Variants in RBFOX1 observed in about 807,000 individuals in gnomAD.
The protein encoded by RBFOX1 is RNA binding fox-1 homolog 1.
A neutral mutation model predicts 57.7 loss-of-function variants in RBFOX1; 8 were observed. That is an observed-to-expected ratio of 0.14 (90% CI 0.08 to 0.25). The LOEUF is 0.25. Ranked by LOEUF, RBFOX1 falls within the 10% of genes least tolerant of loss-of-function variation. The pLI, the probability that RBFOX1 is intolerant of heterozygous loss-of-function variation, is 1.00. For synonymous variants in RBFOX1, 326 were observed against 222.4 expected (o/e 1.47, Z -4.15); for missense variants, 611 against 548.5 (o/e 1.11, Z -1.14).
At chr16:5,372,127 G>A (rs2065873201) in intron 1 of RBFOX1, among the ~76,000 whole-genome samples, 1 of 152,192 alleles carries the variant, frequency 6.6e-6, no homozygotes, top group African/African-American at 2.4e-5. Flanking sequence ...ATGAAGGATT[G>A]TGAAGGCATT....
At chr16:5,906,338 T>C (rs2058455549) in intron 4 of RBFOX1, among the ~76,000 whole-genome samples, 1 of 152,174 alleles carries the variant, frequency 6.6e-6, no homozygotes, top group Non-Finnish European at 1.5e-5. Flanking sequence ...GTGGGGATAA[T>C]GCAGTAATGT....
At position 5,349,841 on chromosome 16, in the gene RBFOX1, C is replaced by G. The variant is rs9934334; in HGVS notation, c.219+109736C>G. ...CCCACGCCCTGCTCTGAGCTGAGGC[C>G]CCAGGAAGCAGCCCTGCTGAGCAGT... On this transcript the variant is annotated intron_variant, in intron 1 of 2. Transcript: ENST00000585867. 4.2e-3 allele frequency among the ~76,000 whole-genome samples: 638 copies of G among 152,288 alleles called. 5 individuals are homozygous for G. Among genetic ancestry groups the G allele is most frequent in the African/African-American group, 0.014 (598 of 41,552 alleles).
At chr16:6,852,272 G>C (rs1230120648) in intron 3 of RBFOX1, among the ~76,000 whole-genome samples, 1 of 152,042 alleles carries the variant, frequency 6.6e-6, no homozygotes, top group East Asian at 1.9e-4. Flanking sequence ...TGTTCTTGCT[G>C]TCTTCCGTTC....
chr16:7,504,747 A>ATT (rs2072430455), intron 4 of RBFOX1, among the ~76,000 whole-genome samples: 7 of 12,396 alleles, frequency 5.6e-4, no homozygotes, highest in East Asian at 1.5e-3. Flanking sequence ...ATATATATAT[A>ATT]TATATATTTA....
intron 4 of RBFOX1, among the ~76,000 whole-genome samples, chr16:7,093,874 A>G (rs925741320): frequency 6.6e-6 from 1 of 152,062 alleles, no homozygotes; most frequent in Non-Finnish European, 1.5e-5. Context: ...CACTGTAATA[A>G]TGACACAAAA....
At chr16:5,612,872 C>G (rs578160751) in intron 3 of RBFOX1, among the ~76,000 whole-genome samples, 1 of 152,338 alleles carries the variant, frequency 6.6e-6, no homozygotes, top group Non-Finnish European at 1.5e-5. Flanking sequence ...ATTTGGGGTT[C>G]TTTTTCCTAA....
chr16:6,925,265 C>T (rs1456741192), intron 3 of RBFOX1, among the ~76,000 whole-genome samples: 5 of 150,870 alleles, frequency 3.3e-5, no homozygotes, highest in Non-Finnish European at 5.9e-5. Context: ...TCCCAAGTAG[C>T]TGGGATTACA....
intron 3 of RBFOX1, among the ~76,000 whole-genome samples, chr16:5,687,390 C>T (rs542396202): frequency 9.2e-5 from 14 of 152,198 alleles, no homozygotes; most frequent in South Asian, 4.2e-4. Context: ...ACTTTGGGCC[C>T]GTCCTTAAAC....
At chr16:6,132,154 C>T (rs76806791) in intron 1 of RBFOX1, among the ~76,000 whole-genome samples, 6 of 152,214 alleles carry the variant, frequency 3.9e-5, no homozygotes, top group Non-Finnish European at 7.3e-5. Flanking sequence ...TGCCCTGGAA[C>T]CTTTTTCCCC....
chr16:5,433,102 C>G (rs1203916145), intron 1 of RBFOX1, among the ~76,000 whole-genome samples: 1 of 152,178 alleles, frequency 6.6e-6, no homozygotes, highest in East Asian at 1.9e-4. Context: ...GACAACAACC[C>G]TGAGCTTCCA....
intron 2 of RBFOX1, among the ~76,000 whole-genome samples, chr16:6,597,913 T>C (rs2097793471): frequency 6.6e-6 from 1 of 152,164 alleles, no homozygotes; most frequent in African/African-American, 2.4e-5. Context: ...CAAACATTTG[T>C]TGGGCTAAAG....
chr16:5,608,631 T>G (rs2047670689), intron 3 of RBFOX1, among the ~76,000 whole-genome samples: 1 of 152,220 alleles, frequency 6.6e-6, no homozygotes, highest in African/African-American at 2.4e-5. Flanking sequence ...GTTTAATTAT[T>G]ATTATTGATT....
At chr16:6,917,178 C>A (rs1490977093) in intron 3 of RBFOX1, among the ~76,000 whole-genome samples, 1 of 152,148 alleles carries the variant, frequency 6.6e-6, no homozygotes, top group Non-Finnish European at 1.5e-5. Flanking sequence ...ACAGAGCAGA[C>A]TGAGTTTCTG....
intron 1 of RBFOX1, among the ~76,000 whole-genome samples, chr16:6,026,651 T>G (rs1178895055): frequency 6.6e-6 from 1 of 152,206 alleles, no homozygotes; most frequent in East Asian, 1.9e-4. Flanking sequence ...ACAAGGCACT[T>G]GTTTCTATTT....
At position 7,588,161 on chromosome 16, in the gene RBFOX1, C is replaced by T. The variant is rs139086327; in HGVS notation, c.468+861C>T. Among the ~76,000 whole-genome samples, 13 of 152,262 alleles carry T rather than the reference C, an allele frequency of 8.5e-5. No homozygotes were observed. The East Asian group carries it at 2.5e-3, about 29-fold the overall frequency. ...ACCACTGCACCACAGCCTCGGTGAA[C>T]AGAGCAAGATCCTATCTCAAAAATA... On this transcript the variant is annotated intron_variant, in intron 7 of 15. Transcript: ENST00000550418.
At chr16:6,537,727 G>A (rs941855014) in intron 2 of RBFOX1, among the ~76,000 whole-genome samples, 5 of 152,146 alleles carry the variant, frequency 3.3e-5, no homozygotes, top group Non-Finnish European at 2.9e-5. Flanking sequence ...ATTCCTTAAG[G>A]TTTTATAGCA....
At chr16:7,508,641 AC>A (rs928254476) in intron 4 of RBFOX1, among the ~76,000 whole-genome samples, 3 of 152,152 alleles carry the variant, frequency 2.0e-5, no homozygotes, top group Admixed American at 2.0e-4. Context: ...GGGCACAAAT[AC>A]TATGTATCCA....
intron 1 of RBFOX1, among the ~76,000 whole-genome samples, chr16:5,361,121 A>G (rs140292896): frequency 2.6e-4 from 40 of 152,256 alleles, no homozygotes; most frequent in African/African-American, 8.7e-4. Flanking sequence ...CTGTGGTTCT[A>G]TTGTCTTTTC....
intron 3 of RBFOX1, among the ~76,000 whole-genome samples, chr16:6,799,753 C>T (rs756142970): frequency 1.3e-5 from 2 of 152,120 alleles, no homozygotes; most frequent in African/African-American, 2.4e-5. Flanking sequence ...CCATCAGCCT[C>T]CAGGTTCTTT....
Sources: gnomAD v4.1 joint callset for allele counts (sites outside exome capture counted in the v4.1 genomes callset) on GRCh38, gnomAD v4.1.1 for gene constraint, MANE v1.5 for transcripts, NCBI Gene and HGNC (gene_info 2026-07-23, HGNC 2026-07-21) for gene names.